TSPEAR: variants seen among roughly 807,000 people sequenced by gnomAD.
TSPEAR encodes thrombospondin type laminin G domain and EAR repeats.
Under a neutral mutation model 71.6 loss-of-function variants are expected in TSPEAR, and 69 were observed. The observed-to-expected ratio is 0.96, with a 90% CI of 0.79 to 1.18. The LOEUF (loss-of-function observed/expected upper bound fraction) is 1.18. TSPEAR is among the 50% of genes most tolerant of loss of function. The probability of loss-of-function intolerance (pLI) is 0.00; values close to 1 mark genes in which losing one functional copy is unlikely to be tolerated. For missense variants in TSPEAR, 971 were observed against 894.9 expected (o/e 1.09, Z -1.09); for synonymous variants, 402 against 387.2 (o/e 1.04, Z -0.45).
chr21:44,539,239 T>C, intron 2 of TSPEAR: 2 of 1,573,956 alleles, frequency 1.3e-6, no homozygotes, highest in South Asian at 1.2e-5. Flanking sequence ...GGTCAGGAAC[T>C]GAGCCCAGCT....
chr21:44,663,477 A>G (rs782280401), intron 1 of TSPEAR, among the ~76,000 whole-genome samples: 13 of 152,198 alleles, frequency 8.5e-5, no homozygotes, highest in Middle Eastern at 3.4e-3. Flanking sequence ...TCTTTCAACA[A>G]ATAAAACTAG....
Position 44,627,211 on chromosome 21 carries a change from T to C in TSPEAR, c.83-59206A>G, listed in dbSNP as rs782189521. On this transcript the variant is annotated intron_variant, in intron 1 of 11. Transcript: ENST00000323084. ...CATGTCCATCCGCTCCAGCGCTTACTCCGACTCCTGGCAGGTGGACGACTG... is the reference window on the plus strand; with the variant it reads ...CATGTCCATCCGCTCCAGCGCTTACCCCGACTCCTGGCAGGTGGACGACTG... The C allele has an allele frequency of 2.5e-6, 4 of 1,612,908 alleles. No individual in the cohort carries two copies. In the Admixed American group the frequency reaches 5.0e-5, roughly 20 times the overall value.
intron 1 of TSPEAR, among the ~76,000 whole-genome samples, chr21:44,597,437 C>CTTTTTT (rs56129761): frequency 1.1e-3 from 136 of 119,186 alleles, no homozygotes; most frequent in Non-Finnish European, 1.7e-3. Context: ...TCTTTCTTTT[C>CTTTTTT]TTTTTTTTTT....
chr21:44,513,762 T>G lies in TSPEAR; in HGVS notation c.1567-4376A>C, dbSNP rs1408302371. On this transcript the variant is annotated intron_variant, in intron 9 of 11. Transcript: ENST00000323084. Reference sequence around the variant, plus strand: ...AGAGGATGCCTCTGTGGTCTGGGAATGCCAGGGGAGGGGAGGGAGGCAGGA... The same window carrying G: ...AGAGGATGCCTCTGTGGTCTGGGAAGGCCAGGGGAGGGGAGGGAGGCAGGA... 2.0e-5 allele frequency among the ~76,000 whole-genome samples: 3 copies of G among 152,130 alleles called. No individual in the cohort carries two copies. In the East Asian group the frequency reaches 5.8e-4, roughly 29 times the overall value.
chr21:44,697,040 TCCCTCCTGCC>T, intron 1 of TSPEAR: 10 of 1,060,346 alleles, frequency 9.4e-6, no homozygotes, highest in Admixed American at 3.2e-5. Flanking sequence ...ACTCACTCCC[TCCCTCCTGCC>T]CATCCAGCAC....
Position 44,697,515 on chromosome 21 carries a change from G to A in TSPEAR, c.82+13918C>T, listed in dbSNP as rs1278947559. 1.9e-6 allele frequency: 3 copies of A among 1,613,566 alleles called. No individual in the cohort carries two copies. In the South Asian group the frequency reaches 3.3e-5, roughly 18 times the overall value. On this transcript the variant is annotated intron_variant, in intron 1 of 11. Coordinates refer to ENST00000323084, the MANE Select transcript of TSPEAR (RefSeq NM_144991.3). ...TCCTCCCCCTGCCAGCAGGCCTGCT[G>A]CGTGCCCGTCTGCTGCAAGACTGTC...
intron 9 of TSPEAR, among the ~76,000 whole-genome samples, chr21:44,512,784 G>A (rs782340176): frequency 6.6e-6 from 1 of 152,206 alleles, no homozygotes; most frequent in African/African-American, 2.4e-5. Flanking sequence ...CGTGTCAGCT[G>A]TGGGGGTGGG....
At position 44,529,838 on chromosome 21, in the gene TSPEAR, CG is replaced by C. The variant is rs782489360; in HGVS notation, c.749del (p.Thr250ArgfsTer10). On this transcript the variant is annotated frameshift_variant, in exon 5 of 12. Coordinates refer to ENST00000323084, the MANE Select transcript of TSPEAR (RefSeq NM_144991.3). LOFTEE classifies it high-confidence loss of function. ...GCACCTCGTTATCTTCTGGCTTCCC[CG>C]TGAGAGCCTGCAGGACCCGTGGGAT... is the stretch of plus-strand genomic sequence containing the variant. Reference protein sequence around the residue: ...LSIPRVLQALTGKPEDNEVLK... With the variant: ...LSIPRVLQALXGKPEDNEVLK... The C allele has an allele frequency of 6.2e-7, 1 of 1,613,910 alleles. No homozygotes were observed. The highest frequency in any genetic ancestry group is 8.5e-7 in the Non-Finnish European group (1 of 1,179,974).
At chr21:44,554,378 G>A (rs1014004233) in intron 2 of TSPEAR, among the ~76,000 whole-genome samples, 6 of 152,138 alleles carry the variant, frequency 3.9e-5, no homozygotes, top group East Asian at 3.8e-4. Flanking sequence ...TCCAGTCCAC[G>A]GCAATTTGTT....
intron 1 of TSPEAR, among the ~76,000 whole-genome samples, chr21:44,631,808 AC>A (rs1293022955): frequency 6.6e-6 from 1 of 152,220 alleles, no homozygotes; most frequent in Non-Finnish European, 1.5e-5. Flanking sequence ...CCAACAGCAC[AC>A]TTAACAGCAG....
At chr21:44,572,850 C>T (rs1047639293) in intron 1 of TSPEAR, among the ~76,000 whole-genome samples, 1 of 143,474 alleles carries the variant, frequency 7.0e-6, no homozygotes, top group Non-Finnish European at 1.5e-5. Flanking sequence ...CACACACACA[C>T]ACACACACAC....
rs1267781561 is a variant in TSPEAR at position 44,687,531 on chromosome 21, A to G, written c.82+23902T>C. 6.6e-6 allele frequency among the ~76,000 whole-genome samples: 1 copy of G among 152,200 alleles called. No individual in the cohort carries two copies. The highest frequency in any genetic ancestry group is 1.9e-4 in the East Asian group (1 of 5,198). On this transcript the variant is annotated intron_variant, in intron 1 of 11. Transcript: ENST00000323084. This position sits in a 1 kb window ranked among gnomAD's most constrained non-coding sequence, Gnocchi z 4.4. The stretch of plus-strand genomic sequence containing the variant: ...GCGCGGGGTGGGAGAGGCCGGCACC[A>G]GAGGACTTGCTGTATGACTCCATCT...
At chr21:44,666,541 CAT>C in intron 1 of TSPEAR, 1 of 1,613,020 alleles carries the variant, frequency 6.2e-7, no homozygotes, top group Non-Finnish European at 8.5e-7. Flanking sequence ...GACGGAGCCG[CAT>C]ACACGACAGG....
At chr21:44,663,751 A>G (rs978789064) in intron 1 of TSPEAR, among the ~76,000 whole-genome samples, 13 of 152,240 alleles carry the variant, frequency 8.5e-5, no homozygotes, top group African/African-American at 2.6e-4. Context: ...GAAATATGTA[A>G]AAGAGATAAA....
chr21:44,585,995 G>A (rs1979312874), intron 1 of TSPEAR, among the ~76,000 whole-genome samples: 1 of 152,230 alleles, frequency 6.6e-6, no homozygotes, highest in Admixed American at 6.5e-5. Context: ...TCTGCCGCTG[G>A]CTGAGTACAG....
chr21:44,521,848 C>A (rs1316779025), intron 9 of TSPEAR, 35 bp downstream of exon 9: 5 of 1,591,730 alleles, frequency 3.1e-6, no homozygotes, highest in Non-Finnish European at 4.3e-6. Context: ...CAGTGGCCAG[C>A]AATGGAGAGC....
At chr21:44,591,049 G>A (rs1979771332) in intron 1 of TSPEAR, among the ~76,000 whole-genome samples, 1 of 152,198 alleles carries the variant, frequency 6.6e-6, no homozygotes, top group South Asian at 2.1e-4. Flanking sequence ...AGTCAGGGGT[G>A]GCATCACTTC....
chr21:44,506,414 G>A lies in TSPEAR; in HGVS notation c.1755-1533C>T, dbSNP rs1388182164. Reference sequence around the variant, plus strand: ...TTCAGCAGCCTCAGGGCTGTGGCCAGTTCAGGCAGCAGAGGGGCCTCATCC... The same window carrying A: ...TTCAGCAGCCTCAGGGCTGTGGCCAATTCAGGCAGCAGAGGGGCCTCATCC... On this transcript the variant is annotated intron_variant, in intron 10 of 11. Transcript: ENST00000323084. This position sits in a 1 kb window ranked among gnomAD's most constrained non-coding sequence, Gnocchi z 4.2. 1.3e-5 allele frequency among the ~76,000 whole-genome samples: 2 copies of A among 152,276 alleles called. No homozygotes were observed. The highest frequency in any genetic ancestry group is 4.1e-4 in the South Asian group (2 of 4,838).
intron 1 of TSPEAR, chr21:44,628,365 C>T (rs1477320476): frequency 1.9e-5 from 7 of 359,862 alleles, no homozygotes; most frequent in East Asian, 1.3e-4. Flanking sequence ...ACCAATAAAG[C>T]GTCTGCGGCC....
Sources: gnomAD v4.1 joint callset for allele counts (sites outside exome capture counted in the v4.1 genomes callset) on GRCh38, gnomAD v4.1.1 for gene constraint, Gnocchi (gnomAD v3.1) non-coding constraint, MANE v1.5 for transcripts, NCBI Gene and HGNC (gene_info 2026-07-23, HGNC 2026-07-21) for gene names.